The following SETBP1 variants were observed in gnomAD, a reference collection of about 807,000 sequenced individuals.
SETBP1 encodes the protein SET-binding protein.
Under a neutral mutation model 101.0 loss-of-function variants are expected in SETBP1, and 9 were observed. That is an observed-to-expected ratio of 0.09 (90% CI 0.05 to 0.16). SETBP1 has a LOEUF of 0.16. SETBP1 is among the 10% of genes least tolerant of loss of function. The pLI is 1.00. For missense variants in SETBP1, 1,858 were observed against 2,033.8 expected, an observed-to-expected ratio of 0.91 and a Z score of 1.66; for synonymous variants, 818 against 788.5, an observed-to-expected ratio of 1.04 and a Z score of -0.63.
intron 5 of SETBP1, among the ~76,000 whole-genome samples, chr18:45,053,812 G>T (rs2073762865): frequency 6.6e-6 from 1 of 151,862 alleles, no homozygotes; most frequent in South Asian, 2.1e-4. Flanking sequence ...CTCACAATCA[G>T]GTAAGAACAT....
At chr18:44,835,695 C>G (rs532528625) in intron 2 of SETBP1, among the ~76,000 whole-genome samples, 3 of 152,252 alleles carry the variant, frequency 2.0e-5, no homozygotes, top group African/African-American at 7.2e-5. Flanking sequence ...ATGCTGAGGC[C>G]CCTAAAGGTC....
intron 2 of SETBP1, among the ~76,000 whole-genome samples, chr18:44,842,335 G>A (rs565605729): frequency 2.7e-4 from 41 of 152,272 alleles, no homozygotes; most frequent in African/African-American, 9.6e-4. Context: ...ATAGGTCACC[G>A]GACATTATGA....
intron 2 of SETBP1, among the ~76,000 whole-genome samples, chr18:44,745,176 G>A (rs1195509588): frequency 6.6e-6 from 1 of 152,148 alleles, no homozygotes; most frequent in African/African-American, 2.4e-5. Context: ...AGCTCTCAGA[G>A]CCCCCACCCC....
At chr18:44,945,051 C>G (rs922700992) in intron 3 of SETBP1, among the ~76,000 whole-genome samples, 64 of 152,056 alleles carry the variant, frequency 4.2e-4, no homozygotes, top group African/African-American at 1.5e-3. Flanking sequence ...GCACAACATG[C>G]AGGTTTGTTA....
intron 4 of SETBP1, among the ~76,000 whole-genome samples, chr18:45,020,688 G>C (rs1274696452): frequency 1.3e-5 from 2 of 152,124 alleles, no homozygotes; most frequent in African/African-American, 4.8e-5. Context: ...AAGTGAGTCT[G>C]GAAATCCCAT....
At chr18:45,042,725 T>A (rs57276862) in intron 5 of SETBP1, among the ~76,000 whole-genome samples, 19,316 of 152,088 alleles carry the variant, frequency 0.13, 1,862 homozygotes, top group African/African-American at 0.27. Flanking sequence ...CTTCTCAGAG[T>A]CTCAGAGGCA....
chr18:44,725,152 T>C (rs2069679773), intron 2 of SETBP1, among the ~76,000 whole-genome samples: 1 of 152,180 alleles, frequency 6.6e-6, no homozygotes, highest in African/African-American at 2.4e-5. Context: ...CTCCCAAGGC[T>C]AGGGAGACAC....
At position 44,952,122 on chromosome 18, in the gene SETBP1, C is replaced by A. The variant is rs773555071; in HGVS notation, c.2782C>A (p.Leu928Met). ...RQKHLIVDNF[L>M]AHESLKKPKH... Reference sequence around the variant, plus strand: ...AAAGCATCTCATTGTGGACAACTTTCTGGCCCACGAAAGCCTCAAGAAGCC... The same window carrying A: ...AAAGCATCTCATTGTGGACAACTTTATGGCCCACGAAAGCCTCAAGAAGCC... Residue 928 changes from leucine to methionine, a missense_variant, in exon 4 of 6, where the codon CTG (leucine) becomes ATG (methionine). Coordinates refer to ENST00000649279, the MANE Select transcript of SETBP1 (RefSeq NM_015559.3). 3.1e-6 allele frequency: 5 copies of A among 1,614,038 alleles called. No individual in the cohort carries two copies. The African/African-American group carries it at 5.3e-5, about 17-fold the overall frequency.
chr18:44,781,479 G>T (rs982233823), intron 2 of SETBP1, among the ~76,000 whole-genome samples: 4 of 146,954 alleles, frequency 2.7e-5, no homozygotes, highest in Admixed American at 6.8e-5. Flanking sequence ...CTCTGTCTCT[G>T]TCTCTCTCTC....
intron 2 of SETBP1, among the ~76,000 whole-genome samples, chr18:44,812,446 G>T (rs1414594595): frequency 6.6e-6 from 1 of 152,066 alleles, no homozygotes; most frequent in African/African-American, 2.4e-5. Flanking sequence ...AGCCTTAAGA[G>T]AGCAAGAAAA....
At chr18:45,021,682 G>T (rs1423629471) in intron 4 of SETBP1, among the ~76,000 whole-genome samples, 14 of 152,172 alleles carry the variant, frequency 9.2e-5, no homozygotes, top group Non-Finnish European at 5.9e-5. Context: ...ATTCACATTT[G>T]CAGAATACAT....
intron 2 of SETBP1, among the ~76,000 whole-genome samples, chr18:44,720,254 A>G (rs2069557513): frequency 6.6e-6 from 1 of 152,224 alleles, no homozygotes; most frequent in Non-Finnish European, 1.5e-5. Context: ...GAAGCAGAAG[A>G]CACTGAAGTC....
intron 3 of SETBP1, among the ~76,000 whole-genome samples, chr18:44,905,363 A>G (rs1191567195): frequency 1.3e-5 from 2 of 152,198 alleles, no homozygotes; most frequent in African/African-American, 4.8e-5. Flanking sequence ...CTGGAGGGTT[A>G]CAGAAGCTTG....
chr18:44,762,750 T>C (rs1388613505), intron 2 of SETBP1, among the ~76,000 whole-genome samples: 1 of 152,230 alleles, frequency 6.6e-6, no homozygotes, highest in Non-Finnish European at 1.5e-5. Flanking sequence ...CCATCAATGA[T>C]TAGCATTGGC....
At chr18:45,011,992 T>C (rs1430285702) in intron 4 of SETBP1, among the ~76,000 whole-genome samples, 3 of 152,232 alleles carry the variant, frequency 2.0e-5, no homozygotes, top group Non-Finnish European at 4.4e-5. Context: ...ATAAAGATCT[T>C]ACCTTATATT....
intron 2 of SETBP1, among the ~76,000 whole-genome samples, chr18:44,740,314 C>A (rs574830860): frequency 6.6e-6 from 1 of 152,240 alleles, no homozygotes; most frequent in South Asian, 2.1e-4. Flanking sequence ...CACATTGTGG[C>A]CATTACAGTG....
chr18:45,066,657 T>G lies in SETBP1; in HGVS notation c.*2959T>G, dbSNP rs2073970812. ...GGTCTCTGGCCCCCCAACACTGCCT[T>G]CTGGGGGCTGCATTTTTTTTTTTTT... is the stretch of plus-strand genomic sequence containing the variant. On this transcript the variant is annotated 3_prime_UTR_variant, in exon 6 of 6. Coordinates refer to ENST00000649279, the MANE Select transcript of SETBP1 (RefSeq NM_015559.3). 1 of 136,978 alleles carries G rather than the reference T, an allele frequency of 7.3e-6. No individual in the cohort carries two copies. Among genetic ancestry groups the G allele is most frequent in the African/African-American group, 2.8e-5 (1 of 35,772 alleles). The allele number at this position is 136,978 out of a possible 1,614,324, so 8.5% of individuals were successfully genotyped here. A position where few individuals can be genotyped will look rare whatever the true frequency, so the allele number is the denominator to read the frequency against.
intron 4 of SETBP1, among the ~76,000 whole-genome samples, chr18:44,996,679 T>C (rs1056326762): frequency 1.3e-5 from 2 of 152,220 alleles, no homozygotes; most frequent in Non-Finnish European, 1.5e-5. Flanking sequence ...CAGTAGGTAC[T>C]AGCATTTCCA....
At chr18:45,056,216 T>C (rs1316443301) in intron 5 of SETBP1, among the ~76,000 whole-genome samples, 1 of 152,226 alleles carries the variant, frequency 6.6e-6, no homozygotes, top group East Asian at 1.9e-4. Flanking sequence ...ATGGGTCTTC[T>C]TCATCTCATT....
Sources: allele counts gnomAD v4.1 joint callset (sites outside exome capture counted in the v4.1 genomes callset), GRCh38; gene constraint gnomAD v4.1.1; transcripts MANE v1.5; gene names NCBI Gene and HGNC (gene_info 2026-07-23, HGNC 2026-07-21).